The following SLC19A1 variants were observed in gnomAD, a reference collection of about 807,000 sequenced individuals.
SLC19A1 encodes reduced folate transporter.
Under a neutral mutation model 35.3 loss-of-function variants are expected in SLC19A1, and 37 were observed. The ratio of observed to expected loss-of-function variants is 1.05; its 90% CI spans 0.81 to 1.38. The LOEUF (loss-of-function observed/expected upper bound fraction) is 1.38. Ranked by LOEUF, SLC19A1 falls within the 40% of genes most tolerant of loss-of-function variation. The probability of loss-of-function intolerance (pLI) is 0.00; values close to 1 mark genes in which losing one functional copy is unlikely to be tolerated. For missense variants in SLC19A1, 831 were observed against 826.9 expected (o/e 1.00, Z -0.06); for synonymous variants, 460 against 398.5 (o/e 1.15, Z -1.84).
chr21:45,516,622 C>T (rs2037961121), intron 5 of SLC19A1, among the ~76,000 whole-genome samples: 2 of 152,238 alleles, frequency 1.3e-5, no homozygotes, highest in Non-Finnish European at 2.9e-5. Flanking sequence ...GTCTCCATCT[C>T]GGCAGCGGAA....
intron 5 of SLC19A1, among the ~76,000 whole-genome samples, chr21:45,521,828 T>A (rs945574231): frequency 3.3e-5 from 5 of 152,178 alleles, no homozygotes; most frequent in African/African-American, 1.2e-4. Context: ...AAAAGTGACC[T>A]CAACCTAAAC....
intron 3 of SLC19A1, chr21:45,505,316 C>A (rs746909948): frequency 6.3e-7 from 1 of 1,599,994 alleles, no homozygotes; most frequent in Non-Finnish European, 8.6e-7. Context: ...CAGAGGCCGC[C>A]TCGTGTGGCT....
chr21:45,507,627 T>C, downstream of SLC19A1: 1 of 1,606,126 alleles, frequency 6.2e-7, no homozygotes, highest in Non-Finnish European at 8.5e-7. Flanking sequence ...GACTGGTGGG[T>C]GGTCAGGACA....
intron 1 of SLC19A1, among the ~76,000 whole-genome samples, chr21:45,556,705 C>T (rs140541304): frequency 1.5e-4 from 23 of 152,342 alleles, no homozygotes; most frequent in East Asian, 1.3e-3. Flanking sequence ...CAGGACAGAA[C>T]AGGACGTTGT....
chr21:45,506,143 G>A (rs1017967741), intron 3 of SLC19A1: 18 of 948,946 alleles, frequency 1.9e-5, no homozygotes, highest in Non-Finnish European at 2.9e-5. Flanking sequence ...GAGCAGTTTT[G>A]GGTTTAAAGA....
Position 45,525,888 on chromosome 21 carries a change from T to C in SLC19A1, c.1222A>G (p.Thr408Ala). ...LVFGVNTFFATIVKTIITFIV... is the reference protein window; with the variant it reads ...LVFGVNTFFAAIVKTIITFIV... ...AAAGTGATGATGGTCTTGACGATGGTGGCAAAGAACGTGTTGACCCCGAAG... is the reference window on the plus strand; with the variant it reads ...AAAGTGATGATGGTCTTGACGATGGCGGCAAAGAACGTGTTGACCCCGAAG... The change falls in exon 5 of 6, where the codon ACC becomes GCC. Residue 408 changes from threonine (T) to alanine (A), a missense_variant. Coordinates refer to ENST00000311124, the MANE Select transcript of SLC19A1 (RefSeq NM_194255.4). 1 of 1,613,594 alleles carries C rather than the reference T, an allele frequency of 6.2e-7. No homozygotes were observed. Among genetic ancestry groups the C allele is most frequent in the East Asian group, 2.2e-5 (1 of 44,868 alleles).
rs2037109210 is a variant in SLC19A1, at chr21:45,505,062, G to A, written c.498-6450C>T. On this transcript the variant is annotated intron_variant, in intron 3 of 4. Coordinates refer to the SLC19A1 transcript ENST00000417954. ...CGCCAAGGGGGTCTTGGCAGCTGCA[G>A]CCCCACAAGCTTGCCCGCCCCCAGT... The A allele has an allele frequency of 5.1e-6, 8 of 1,563,446 alleles. No individual in the cohort carries two copies. The East Asian group carries it at 1.9e-4, about 37-fold the overall frequency.
At chr21:45,507,100 G>C (rs547169380) in intron 3 of SLC19A1, 1 of 319,200 alleles carries the variant, frequency 3.1e-6, no homozygotes, top group South Asian at 2.7e-5. Context: ...GCAACCTGCC[G>C]TGGACTGGGA....
chr21:45,518,943 C>A (rs758250903), intron 5 of SLC19A1, among the ~76,000 whole-genome samples: 2 of 152,074 alleles, frequency 1.3e-5, no homozygotes, highest in Non-Finnish European at 2.9e-5. Context: ...GAGGAAATAC[C>A]ACAGTAGGCA....
chr21:45,503,578 C>G (rs7281141), intron 3 of SLC19A1, among the ~76,000 whole-genome samples: 1 of 142,432 alleles, frequency 7.0e-6, no homozygotes, highest in Admixed American at 7.4e-5. Context: ...TAGGTGGGAA[C>G]TGAACAATGA....
downstream of SLC19A1, chr21:45,510,032 A>G: frequency 6.5e-7 from 1 of 1,538,078 alleles, no homozygotes; most frequent in Non-Finnish European, 8.7e-7. Context: ...GCAGCGTGGG[A>G]CACAGCCCGT....
Position 45,534,891 on chromosome 21 carries a change from C to T in SLC19A1, c.190-2743G>A, listed in dbSNP as rs959961702. ...ACAGCCTCCTGCTGCCTGAGCCCAGCGTCGGCCCTGCTCTCCACAGGTCTT... is the reference window on the plus strand; with the variant it reads ...ACAGCCTCCTGCTGCCTGAGCCCAGTGTCGGCCCTGCTCTCCACAGGTCTT... On this transcript the variant is annotated intron_variant, in intron 2 of 5. Coordinates refer to ENST00000311124, the MANE Select transcript of SLC19A1 (RefSeq NM_194255.4). The surrounding 1 kb of genome is among the most constrained non-coding windows in gnomAD (Gnocchi z 4.2). 5.3e-5 allele frequency among the ~76,000 whole-genome samples: 8 copies of T among 152,284 alleles called. No homozygotes were observed. In the East Asian group the frequency reaches 7.7e-4, roughly 15 times the overall value.
intron 3 of SLC19A1, chr21:45,503,984 G>C (rs754603891): frequency 1.2e-6 from 2 of 1,613,136 alleles, no homozygotes; most frequent in Non-Finnish European, 8.5e-7. Flanking sequence ...CCACCTCAGC[G>C]AGACCCCGCC....
intron 1 of SLC19A1, among the ~76,000 whole-genome samples, chr21:45,539,587 C>G (rs372275140): frequency 1.3e-5 from 2 of 152,224 alleles, no homozygotes; most frequent in East Asian, 3.9e-4. Flanking sequence ...TCAGTCTTCA[C>G]GTATCAGAGA....
intron 3 of SLC19A1, chr21:45,505,042 AG>A: frequency 2.1e-5 from 32 of 1,520,580 alleles, no homozygotes; most frequent in Non-Finnish European, 2.7e-5. Flanking sequence ...GCGCTCGCCA[AG>A]GGGGTCTTGG....
rs568433009 is a variant in SLC19A1 at position 45,534,958 on chromosome 21, G to A, written c.190-2810C>T. ...GAATGGGCAGAGTGCAGGCAGCTGC[G>A]CCCAAATCTACGTCCAGACGGCCTC... On this transcript the variant is annotated intron_variant, in intron 2 of 5. Coordinates refer to ENST00000311124, the MANE Select transcript of SLC19A1 (RefSeq NM_194255.4). This position sits in a 1 kb window ranked among gnomAD's most constrained non-coding sequence, Gnocchi z 4.2. 2.0e-4 allele frequency among the ~76,000 whole-genome samples: 31 copies of A among 152,398 alleles called. No individual in the cohort carries two copies. In the South Asian group the frequency reaches 5.0e-3, roughly 24 times the overall value.
rs992439340 is a variant in SLC19A1 at position 45,517,020 on chromosome 21, G to A, written c.1294-880C>T. Reference sequence around the variant, plus strand: ...GGGAAGACTCTGAAAGCAGGAGCGAGGAGGACAGACTGACCAGGCCCTCGG... The same window carrying A: ...GGGAAGACTCTGAAAGCAGGAGCGAAGAGGACAGACTGACCAGGCCCTCGG... On this transcript the variant is annotated intron_variant, in intron 5 of 5. Transcript: ENST00000311124. The surrounding 1 kb of genome is among the most constrained non-coding windows in gnomAD (Gnocchi z 4.4). 1.3e-5 allele frequency among the ~76,000 whole-genome samples: 2 copies of A among 152,178 alleles called. No homozygotes were observed. The highest frequency in any genetic ancestry group is 4.8e-5 in the African/African-American group (2 of 41,440).
chr21:45,505,659 C>CGCAG (rs2037156258), intron 3 of SLC19A1, among the ~76,000 whole-genome samples: 1 of 152,166 alleles, frequency 6.6e-6, no homozygotes, highest in Non-Finnish European at 1.5e-5. Context: ...TCCACGGAGG[C>CGCAG]GCAGGAGCTG....
At position 45,525,799 on chromosome 21, in the gene SLC19A1, G is replaced by A. The variant is rs976799627; in HGVS notation, c.1293+18C>T. On this transcript the variant is annotated intron_variant, in intron 5 of 5. Transcript: ENST00000311124. The stretch of plus-strand genomic sequence containing the variant: ...AGTAGCTTCCATCCCCGAGGACGCA[G>A]GCCTGAAATGGGCTCACCTGCTTGC... The A allele has an allele frequency of 6.2e-7, 1 of 1,612,444 alleles. No homozygotes were observed.
Sources: gnomAD v4.1 joint callset for allele counts (sites outside exome capture counted in the v4.1 genomes callset) on GRCh38, gnomAD v4.1.1 for gene constraint, Gnocchi (gnomAD v3.1) non-coding constraint, MANE v1.5 for transcripts, NCBI Gene and HGNC (gene_info 2026-07-23, HGNC 2026-07-21) for gene names.